The following GREB1L variants were observed in gnomAD, a reference collection of about 807,000 sequenced individuals.
The protein encoded by GREB1L is GREB1-like protein.
In GREB1L, 17 loss-of-function variants were observed where a neutral mutation model predicts 200.8. The observed-to-expected ratio is 0.08, with a 90% CI of 0.06 to 0.13. The LOEUF (loss-of-function observed/expected upper bound fraction) is 0.13. GREB1L is among the 10% of genes least tolerant of loss of function. The probability of loss-of-function intolerance (pLI) is 1.00; values close to 1 mark genes in which losing one functional copy is unlikely to be tolerated. For missense variants in GREB1L, 1,657 were observed against 2,367.7 expected (o/e 0.70, Z 6.23); for synonymous variants, 789 against 893.0 (o/e 0.88, Z 2.08).
At chr18:21,460,589 C>T (rs1212216696) in intron 15 of GREB1L, among the ~76,000 whole-genome samples, 10 of 152,042 alleles carry the variant, frequency 6.6e-5, no homozygotes, top group African/African-American at 2.4e-4. Context: ...ATCCACCCGC[C>T]TCGGCCTCCC....
At chr18:21,328,224 A>G (rs990228289) in intron 1 of GREB1L, among the ~76,000 whole-genome samples, 4 of 150,952 alleles carry the variant, frequency 2.6e-5, no homozygotes, top group South Asian at 2.1e-4. Context: ...GTGCTCCTCT[A>G]TGAGAGCCCT....
intron 19 of GREB1L, among the ~76,000 whole-genome samples, chr18:21,491,596 C>T (rs2036339230): frequency 1.3e-5 from 2 of 151,786 alleles, no homozygotes; most frequent in African/African-American, 4.8e-5. Flanking sequence ...GCCTGTATTC[C>T]CAGCTACTCA....
intron 1 of GREB1L, among the ~76,000 whole-genome samples, chr18:21,306,806 A>G (rs866588239): frequency 1.3e-5 from 2 of 152,370 alleles, no homozygotes; most frequent in Middle Eastern, 3.4e-3. Context: ...TAAATTGGGC[A>G]TATGCCTATG....
intron 7 of GREB1L, among the ~76,000 whole-genome samples, chr18:21,431,703 A>G (rs747677677): frequency 1.5e-4 from 23 of 152,074 alleles, no homozygotes; most frequent in Non-Finnish European, 3.1e-4. Flanking sequence ...TCATTATTGA[A>G]AGTGGGGTAT....
At chr18:21,454,294 C>A in intron 14 of GREB1L, 72 bp from the exon 15 acceptor site, 1 of 970,156 alleles carries the variant, frequency 1.0e-6, no homozygotes, top group Non-Finnish European at 1.6e-6. Context: ...GGTATGTGTC[C>A]TCATAGAGAT....
intron 7 of GREB1L, among the ~76,000 whole-genome samples, chr18:21,408,287 A>T (rs2030526133): frequency 6.6e-6 from 1 of 152,192 alleles, no homozygotes; most frequent in Non-Finnish European, 1.5e-5. Flanking sequence ...TGAAAAGGCA[A>T]ACAACAGAGT....
intron 4 of GREB1L, among the ~76,000 whole-genome samples, chr18:21,393,694 G>A (rs1238879651): frequency 6.6e-6 from 1 of 152,122 alleles, no homozygotes; most frequent in Non-Finnish European, 1.5e-5. Context: ...CTTCCAAAGT[G>A]CTGAGATTAC....
chr18:21,478,094 A>G (rs1475877987), intron 17 of GREB1L, among the ~76,000 whole-genome samples: 2 of 152,142 alleles, frequency 1.3e-5, no homozygotes, highest in African/African-American at 4.8e-5. Context: ...TTTTAGTCTG[A>G]TGATCTGCAT....
chr18:21,272,792 A>G (rs904204297), intron 1 of GREB1L, among the ~76,000 whole-genome samples: 1 of 152,268 alleles, frequency 6.6e-6, no homozygotes, highest in Non-Finnish European at 1.5e-5. Context: ...TGCCAAGAAG[A>G]TAATAAAAAA....
chr18:21,310,786 A>G (rs2038777850), intron 1 of GREB1L, among the ~76,000 whole-genome samples: 1 of 152,232 alleles, frequency 6.6e-6, no homozygotes, highest in Non-Finnish European at 1.5e-5. Context: ...TCTCTCTGCT[A>G]TACTGTTATG....
At chr18:21,508,710 C>T in intron 27 of GREB1L, 119 bp downstream of exon 27, 16 of 452,592 alleles carry the variant, frequency 3.5e-5, no homozygotes, top group South Asian at 5.6e-5. Context: ...CCTCACCACT[C>T]TTCGGAAAAA....
rs1334155570 is a variant in GREB1L, at chr18:21,246,608, A to G, written c.-120+4215A>G. 2.0e-5 allele frequency among the ~76,000 whole-genome samples: 3 copies of G among 152,214 alleles called. No individual in the cohort carries two copies. The East Asian group carries it at 5.8e-4, about 29-fold the overall frequency. On this transcript the variant is annotated intron_variant, in intron 1 of 32. Transcript: ENST00000424526. The stretch of plus-strand genomic sequence containing the variant: ...TTTTGAGCTGTACCATAAGCTAGAC[A>G]TATAGGGGTGGTCAGTTACACCACT...
intron 15 of GREB1L, among the ~76,000 whole-genome samples, chr18:21,455,319 AAC>A (rs10581600): frequency 0.34 from 51,332 of 150,624 alleles, 12,773 homozygotes; most frequent in African/African-American, 0.68. Flanking sequence ...AGCTGAGGAA[AAC>A]ACACACACAC....
At chr18:21,354,265 G>C (rs2039473737) in intron 1 of GREB1L, among the ~76,000 whole-genome samples, 1 of 151,858 alleles carries the variant, frequency 6.6e-6, no homozygotes, top group Admixed American at 6.6e-5. Context: ...TCATTTTTGT[G>C]CCAATCTGAT....
chr18:21,518,718 G>GT lies in GREB1L; in HGVS notation c.5472+485dup, dbSNP rs1188131358. Among the ~76,000 whole-genome samples, 4 of 152,150 alleles carry GT rather than the reference G, an allele frequency of 2.6e-5. No individual in the cohort carries two copies. The South Asian group carries it at 6.2e-4, about 24-fold the overall frequency. ...CAGTGATTACCGAACAAATAAATGT[G>GT]TATCACCTGAAGCCTTTAGAGGTGG... is the stretch of plus-strand genomic sequence containing the variant. On this transcript the variant is annotated intron_variant, in intron 31 of 32. Transcript: ENST00000424526.
chr18:21,348,788 A>T (rs890515023), intron 1 of GREB1L, among the ~76,000 whole-genome samples: 2 of 151,890 alleles, frequency 1.3e-5, no homozygotes, highest in African/African-American at 4.8e-5. Context: ...GAAAAAAAAA[A>T]TTAAAAATCA....
chr18:21,297,017 C>T (rs1239685410), intron 1 of GREB1L, among the ~76,000 whole-genome samples: 11 of 152,112 alleles, frequency 7.2e-5, no homozygotes, highest in Non-Finnish European at 1.6e-4. Flanking sequence ...TTTTAGTGTA[C>T]AGCCGAGGTG....
At chr18:21,278,477 G>C (rs1322853263) in intron 1 of GREB1L, among the ~76,000 whole-genome samples, 2 of 151,800 alleles carry the variant, frequency 1.3e-5, no homozygotes, top group Non-Finnish European at 2.9e-5. Flanking sequence ...AGTGGTAAAT[G>C]TTGAGAATTT....
chr18:21,437,341 T>C (rs946412831), intron 7 of GREB1L, among the ~76,000 whole-genome samples: 16 of 152,142 alleles, frequency 1.1e-4, no homozygotes, highest in African/African-American at 3.4e-4. Flanking sequence ...TTACAGACTT[T>C]GAACAATGGA....
Sources: gnomAD v4.1 joint callset for allele counts (sites outside exome capture counted in the v4.1 genomes callset) on GRCh38, gnomAD v4.1.1 for gene constraint, MANE v1.5 for transcripts, NCBI Gene and HGNC (gene_info 2026-07-23, HGNC 2026-07-21) for gene names.